The following DTWD1 variants were observed in gnomAD, a reference collection of about 807,000 sequenced individuals.
The protein encoded by DTWD1 is tRNA-uridine aminocarboxypropyltransferase 1.
In DTWD1, 27 loss-of-function variants were observed where a neutral mutation model predicts 30.2. The observed-to-expected ratio is 0.90, with a 90% CI of 0.66 to 1.23. DTWD1 has a LOEUF of 1.23. Ranked by LOEUF, DTWD1 falls within the 50% of genes most tolerant of loss-of-function variation. The probability of loss-of-function intolerance (pLI) is 0.00; values close to 1 mark genes in which losing one functional copy is unlikely to be tolerated. For missense variants in DTWD1, 342 were observed against 348.8 expected, an observed-to-expected ratio of 0.98 and a Z score of 0.15; for synonymous variants, 99 against 113.1, an observed-to-expected ratio of 0.88 and a Z score of 0.79.
chr15:49,640,151 G>A (rs1482656696), intron 4 of DTWD1, among the ~76,000 whole-genome samples: 2 of 151,878 alleles, frequency 1.3e-5, no homozygotes, highest in South Asian at 4.2e-4. Context: ...AGATTATAGT[G>A]TTATATATAT....
chr15:49,625,344 C>G lies in DTWD1; in HGVS notation c.177C>G (p.Leu59=), dbSNP rs759451912. The G allele has an allele frequency of 1.2e-6, 2 of 1,613,584 alleles. No individual in the cohort carries two copies. Among genetic ancestry groups the G allele is most frequent in the East Asian group, 2.2e-5 (1 of 44,812 alleles). Residue 59 remains leucine, a synonymous_variant, in exon 2 of 5, where the codon CTC becomes CTG. Coordinates refer to ENST00000403028, the MANE Select transcript of DTWD1 (RefSeq NM_001144955.2). ...AGCAAAGTGGGAGATCAAAATGTCT[C>G]AAATGTGGTGGTTCCAGAATGTTCT... ...KAQQSGRSKC[L]KCGGSRMFYC...
rs916894709 is a variant in DTWD1, at chr15:49,648,941, G to A, written c.*5363G>A. ...ATCTCTCAGAAAGTCAAAGAAAATA[G>A]GAGGAAAAAAACTTAAGATTAAGGG... is the stretch of plus-strand genomic sequence containing the variant. On this transcript the variant is annotated 3_prime_UTR_variant, in exon 5 of 5. Transcript: ENST00000403028. 3 of 152,028 alleles carry A rather than the reference G, an allele frequency of 2.0e-5. No homozygotes were observed. The highest frequency in any genetic ancestry group is 4.4e-5 in the Non-Finnish European group (3 of 68,006). The allele number at this position is 152,028 out of a possible 1,614,324, so 9.4% of individuals were successfully genotyped here.
rs568261766 is a variant in DTWD1, at chr15:49,638,365, T to A, written c.667+3571T>A. Among the ~76,000 whole-genome samples the A allele has an allele frequency of 2.2e-4, 33 of 152,248 alleles. No homozygotes were observed. In the South Asian group the frequency reaches 5.8e-3, roughly 27 times the overall value. On this transcript the variant is annotated intron_variant, in intron 4 of 4. Transcript: ENST00000403028. ...TCATATATTTCAGTTCTGTGCTAGATCAAAAATTTTTAAAGGGGCTTCTTA... is the reference window on the plus strand; with the variant it reads ...TCATATATTTCAGTTCTGTGCTAGAACAAAAATTTTTAAAGGGGCTTCTTA...
intron 2 of DTWD1, among the ~76,000 whole-genome samples, chr15:49,629,238 G>T (rs1311365669): frequency 6.6e-6 from 1 of 152,150 alleles, no homozygotes; most frequent in Non-Finnish European, 1.5e-5. Flanking sequence ...GTTTTATGAT[G>T]TGAGAGATCT....
intron 4 of DTWD1, among the ~76,000 whole-genome samples, chr15:49,637,660 T>C (rs2079019264): frequency 6.6e-6 from 1 of 152,214 alleles, no homozygotes; most frequent in Non-Finnish European, 1.5e-5. Flanking sequence ...CCATGTATGA[T>C]TAGAAGGCAA....
At position 49,653,401 on chromosome 15, in the gene DTWD1, C is replaced by G. The variant is rs1361239143; in HGVS notation, c.*9823C>G. On this transcript the variant is annotated 3_prime_UTR_variant, in exon 5 of 5. Transcript: ENST00000403028. Reference sequence around the variant, plus strand: ...AAGAAACAGATTCTTTCCAGAGTGTCCAGAAAGGAATGCAGTTCAGCTAAC... The same window carrying G: ...AAGAAACAGATTCTTTCCAGAGTGTGCAGAAAGGAATGCAGTTCAGCTAAC... 6.6e-6 allele frequency: 1 copy of G among 152,028 alleles called. No homozygotes were observed. The highest frequency in any genetic ancestry group is 1.5e-5 in the Non-Finnish European group (1 of 68,000). 9.4% of individuals were successfully genotyped at this position (152,028 alleles called of 1,614,324 possible). A position where few individuals can be genotyped will look rare whatever the true frequency, so the allele number is the denominator to read the frequency against.
At chr15:49,642,940 G>C (rs112508796) in intron 4 of DTWD1, among the ~76,000 whole-genome samples, 8 of 151,980 alleles carry the variant, frequency 5.3e-5, no homozygotes, top group African/African-American at 1.9e-4. Flanking sequence ...AAACAAAAAA[G>C]TCAGTTTGTC....
intron 2 of DTWD1, among the ~76,000 whole-genome samples, chr15:49,627,846 A>T (rs1033235325): frequency 1.3e-5 from 2 of 152,210 alleles, no homozygotes. Context: ...CTGTGATGTT[A>T]CTGTACACTA....
intron 2 of DTWD1, among the ~76,000 whole-genome samples, chr15:49,630,476 C>T (rs925774495): frequency 3.3e-5 from 5 of 152,134 alleles, no homozygotes; most frequent in African/African-American, 7.2e-5. Context: ...GTCAAGAACA[C>T]ATCTCCAGAG....
chr15:49,637,690 T>C (rs561341205), intron 4 of DTWD1, among the ~76,000 whole-genome samples: 6 of 152,324 alleles, frequency 3.9e-5, no homozygotes, highest in African/African-American at 1.2e-4. Flanking sequence ...TCAGTTGATA[T>C]TAGGCAGTTG....
At chr15:49,632,331 A>G (rs2078933228) in intron 3 of DTWD1, 29 bp downstream of exon 3, 3 of 1,560,404 alleles carry the variant, frequency 1.9e-6, no homozygotes, top group Admixed American at 4.7e-5. Context: ...ATAACTCTTC[A>G]CATTGGATAT....
Position 49,655,904 on chromosome 15 carries a change from G to A in DTWD1, c.*12326G>A, listed in dbSNP as rs1328871768. The A allele has an allele frequency of 1.3e-5, 2 of 151,876 alleles. No homozygotes were observed. The highest frequency in any genetic ancestry group is 2.9e-5 in the Non-Finnish European group (2 of 67,956). The allele number at this position is 151,876 out of a possible 1,614,324, so 9.4% of individuals were successfully genotyped here. A position where few individuals can be genotyped will look rare whatever the true frequency, so the allele number is the denominator to read the frequency against. ...CTACATAATTTACCTTCCTCTCTAG[G>A]CCCATCATAAAAATCTTTGAAAAAT... On this transcript the variant is annotated 3_prime_UTR_variant, in exon 5 of 5. Transcript: ENST00000403028.
chr15:49,640,930 C>G (rs985462505), intron 4 of DTWD1, among the ~76,000 whole-genome samples: 5 of 151,990 alleles, frequency 3.3e-5, no homozygotes, highest in Admixed American at 2.6e-4. Context: ...GAATCCTTCT[C>G]TTCTGCAAGA....
intron 3 of DTWD1, among the ~76,000 whole-genome samples, chr15:49,633,049 C>CTATATCTATATATATATATATATATATA (rs774517463): frequency 8.5e-6 from 1 of 117,308 alleles, no homozygotes; most frequent in African/African-American, 3.3e-5. Flanking sequence ...ATATCTATAT[C>CTATATCTATATATATATATATATATATA]TATATATATA....
At chr15:49,641,270 T>A (rs1007524997) in intron 4 of DTWD1, among the ~76,000 whole-genome samples, 9 of 151,996 alleles carry the variant, frequency 5.9e-5, no homozygotes, top group Non-Finnish European at 1.0e-4. Flanking sequence ...TTTGTTTCTT[T>A]TTTTGATTGA....
rs1356960782 is a variant in DTWD1, at chr15:49,648,209, T to C, written c.*4631T>C. The C allele has an allele frequency of 1.3e-5, 2 of 152,178 alleles. No homozygotes were observed. The highest frequency in any genetic ancestry group is 4.8e-5 in the African/African-American group (2 of 41,450). The allele number at this position is 152,178 out of a possible 1,614,324, so 9.4% of individuals were successfully genotyped here. A position where few individuals can be genotyped will look rare whatever the true frequency, so the allele number is the denominator to read the frequency against. On this transcript the variant is annotated 3_prime_UTR_variant, in exon 5 of 5. Coordinates refer to ENST00000403028, the MANE Select transcript of DTWD1 (RefSeq NM_001144955.2). ...GGAATGAAAGTCTATTCATACACTG[T>C]ATATTAAGCTCTATATACACTGCAT...
At chr15:49,628,463 C>T (rs1166589420) in intron 2 of DTWD1, among the ~76,000 whole-genome samples, 1 of 152,188 alleles carries the variant, frequency 6.6e-6, no homozygotes, top group Middle Eastern at 3.2e-3. Context: ...TTGTTTACAT[C>T]AGCATCATCA....
chr15:49,632,102 T>C (rs1368345591), intron 2 of DTWD1, 57 bp from the exon 3 acceptor site: 12 of 1,385,742 alleles, frequency 8.7e-6, no homozygotes, highest in Non-Finnish European at 1.1e-5. Context: ...CCCTTTTTAT[T>C]AACATAAAAA....
chr15:49,648,891 AGTTT>A lies in DTWD1; in HGVS notation c.*5318_*5321del, dbSNP rs1161461003. 6.6e-6 allele frequency: 1 copy of A among 152,160 alleles called. No individual in the cohort carries two copies. The highest frequency in any genetic ancestry group is 2.4e-5 in the African/African-American group (1 of 41,446). The allele number at this position is 152,160 out of a possible 1,614,324, so 9.4% of individuals were successfully genotyped here. On this transcript the variant is annotated 3_prime_UTR_variant, in exon 5 of 5. Transcript: ENST00000403028. ...AAGGTCATTTCTGACCCCAGCTTGAAGTTTGTTTATTTTCACTTGAAGAGATCTC... is the reference window on the plus strand; with the variant it reads ...AAGGTCATTTCTGACCCCAGCTTGAAGTTTATTTTCACTTGAAGAGATCTC...
Sources: gnomAD v4.1 joint callset for allele counts (sites outside exome capture counted in the v4.1 genomes callset) on GRCh38, gnomAD v4.1.1 for gene constraint, MANE v1.5 for transcripts, NCBI Gene and HGNC (gene_info 2026-07-23, HGNC 2026-07-21) for gene names.